PTPRN2: variants seen among roughly 807,000 people sequenced by gnomAD.
PTPRN2 encodes the protein receptor-type tyrosine-protein phosphatase N2.
Under a neutral mutation model 118.8 loss-of-function variants are expected in PTPRN2, and 74 were observed. The observed-to-expected ratio is 0.62, with a 90% CI of 0.52 to 0.76. The LOEUF (loss-of-function observed/expected upper bound fraction) is 0.76, where lower values mean the gene tolerates loss of function less well. PTPRN2 is among the 30% of genes least tolerant of loss of function. The pLI is 0.00. For missense variants in PTPRN2, 1,481 were observed against 1,394.4 expected (o/e 1.06, Z -0.99); for synonymous variants, 641 against 608.0 (o/e 1.05, Z -0.80).
intron 11 of PTPRN2, among the ~76,000 whole-genome samples, chr7:158,001,563 C>T (rs1364783520): frequency 3.9e-5 from 6 of 152,114 alleles, no homozygotes; most frequent in South Asian, 2.1e-4. Context: ...ACCTGAGGAC[C>T]GGGAGGGCGG....
chr7:157,996,683 C>G (rs945791558), intron 11 of PTPRN2, among the ~76,000 whole-genome samples: 1 of 152,240 alleles, frequency 6.6e-6, no homozygotes, highest in Non-Finnish European at 1.5e-5. Context: ...GCTTTCTTCT[C>G]TAGCTTTCTT....
At chr7:158,459,790 TC>T (rs1818837651) in intron 2 of PTPRN2, among the ~76,000 whole-genome samples, 1 of 151,438 alleles carries the variant, frequency 6.6e-6, no homozygotes, top group Non-Finnish European at 1.5e-5. Flanking sequence ...ATCTACATGC[TC>T]CTCCTAGAGG....
chr7:157,844,948 T>C (rs1173687573), intron 12 of PTPRN2, among the ~76,000 whole-genome samples: 1 of 152,078 alleles, frequency 6.6e-6, no homozygotes, highest in African/African-American at 2.4e-5. Flanking sequence ...TATTCTGGCC[T>C]GTGGGAAGAT....
chr7:157,670,627 C>T (rs536747597), intron 13 of PTPRN2, among the ~76,000 whole-genome samples: 1 of 152,298 alleles, frequency 6.6e-6, no homozygotes, highest in South Asian at 2.1e-4. Flanking sequence ...GCCCCTCCAG[C>T]CAGACTGCCG....
chr7:157,653,063 A>G (rs1033137057), intron 14 of PTPRN2, among the ~76,000 whole-genome samples: 15 of 152,178 alleles, frequency 9.9e-5, no homozygotes, highest in African/African-American at 3.4e-4. Context: ...ACCCTGCCAC[A>G]TGTGTCCTTT....
intron 2 of PTPRN2, among the ~76,000 whole-genome samples, chr7:158,327,374 CATTAT>C (rs1297077211): frequency 1.4e-5 from 2 of 145,222 alleles, no homozygotes; most frequent in East Asian, 4.0e-4. Context: ...GTCACACACA[CATTAT>C]CACATGCACA....
intron 2 of PTPRN2, among the ~76,000 whole-genome samples, chr7:158,377,289 G>A (rs188592878): frequency 2.0e-4 from 30 of 152,364 alleles, no homozygotes; most frequent in African/African-American, 5.8e-4. Context: ...CATCAAGCAC[G>A]CGGGGTCAGG....
rs914069997 is a variant in PTPRN2, at chr7:157,874,426, G to A, written c.1788+24247C>T. Among the ~76,000 whole-genome samples the A allele has an allele frequency of 2.0e-5, 3 of 152,112 alleles. No homozygotes were observed. The highest frequency in any genetic ancestry group is 2.4e-5 in the African/African-American group (1 of 41,410). ...TGTCCCCTCTCTCCTGCCCTGCCCC[G>A]ATCCTGCCTCTGCTTCTGTCCACAT... On this transcript the variant is annotated intron_variant, in intron 12 of 22. Coordinates refer to ENST00000389418, the MANE Select transcript of PTPRN2 (RefSeq NM_002847.5). The surrounding 1 kb of genome is among the most constrained non-coding windows in gnomAD (Gnocchi z 5.8).
At chr7:158,244,701 GT>G (rs1401988070) in intron 3 of PTPRN2, among the ~76,000 whole-genome samples, 3 of 120,114 alleles carry the variant, frequency 2.5e-5, no homozygotes, top group East Asian at 5.8e-4. Flanking sequence ...GTGAGTGTGT[GT>G]GGTTGTGAGT....
chr7:157,780,461 G>A lies in PTPRN2; in HGVS notation c.1789-97524C>T, dbSNP rs78024668. On this transcript the variant is annotated intron_variant, in intron 12 of 22. Transcript: ENST00000389418. This position sits in a 1 kb window ranked among gnomAD's most constrained non-coding sequence, Gnocchi z 4.5. ...AGGGGCCGTGCTGCTGGATCAGATG[G>A]CGGAACACGGCCCAGAGCAACTGAA... Among the ~76,000 whole-genome samples the A allele has an allele frequency of 0.089, 13,572 of 152,266 alleles. 754 individuals carry two copies. The highest frequency in any genetic ancestry group is 0.15 in the Middle Eastern group (44 of 294).
intron 3 of PTPRN2, among the ~76,000 whole-genome samples, chr7:158,226,769 C>T (rs948075231): frequency 6.0e-5 from 9 of 150,710 alleles, no homozygotes; most frequent in Non-Finnish European, 8.8e-5. Context: ...TTACCCTAAT[C>T]GCGTGGGAGC....
intron 11 of PTPRN2, among the ~76,000 whole-genome samples, chr7:158,071,036 A>G (rs1296167064): frequency 7.5e-4 from 17 of 22,588 alleles, no homozygotes; most frequent in African/African-American, 2.0e-3. Flanking sequence ...AGGTGCTCTT[A>G]GTATGGAGGT....
chr7:157,611,072 C>T lies in PTPRN2; in HGVS notation c.2345-6997G>A, dbSNP rs894211990. 2.0e-5 allele frequency among the ~76,000 whole-genome samples: 3 copies of T among 152,220 alleles called. No homozygotes were observed. The highest frequency in any genetic ancestry group is 7.2e-5 in the African/African-American group (3 of 41,444). ...AGGAGGCACGCTGCCCACCGCTGAG[C>T]TGAATAACCGAGCGCGAGGCTGGTG... On this transcript the variant is annotated intron_variant, in intron 15 of 22. Transcript: ENST00000389418. The surrounding 1 kb of genome is among the most constrained non-coding windows in gnomAD (Gnocchi z 5.9).
intron 12 of PTPRN2, among the ~76,000 whole-genome samples, chr7:157,751,888 C>T (rs560792038): frequency 3.9e-5 from 6 of 152,056 alleles, no homozygotes; most frequent in East Asian, 1.9e-4. Flanking sequence ...CAGAGACCAC[C>T]GTGAACACAT....
intron 22 of PTPRN2, among the ~76,000 whole-genome samples, chr7:157,545,742 T>C (rs1368449460): frequency 6.6e-6 from 1 of 152,110 alleles, no homozygotes; most frequent in Non-Finnish European, 1.5e-5. Context: ...ACCACAACGA[T>C]GATGTTTTGC....
rs564133920 is a variant in PTPRN2 at position 157,591,333 on chromosome 7, A to G, written c.2496+3905T>C. Among the ~76,000 whole-genome samples, 98 of 152,368 alleles carry G rather than the reference A, an allele frequency of 6.4e-4. No individual in the cohort carries two copies. The highest frequency in any genetic ancestry group is 1.2e-3 in the Non-Finnish European group (80 of 68,034). On this transcript the variant is annotated intron_variant, in intron 17 of 22. Transcript: ENST00000389418. This position sits in a 1 kb window ranked among gnomAD's most constrained non-coding sequence, Gnocchi z 4.4. ...CTGCCCCAAGGAGGAGCTTCAGATCAGCATCAACAGCCGGAGATAAAAGGA... is the reference window on the plus strand; with the variant it reads ...CTGCCCCAAGGAGGAGCTTCAGATCGGCATCAACAGCCGGAGATAAAAGGA...
At chr7:157,871,710 CT>C (rs1463753486) in intron 12 of PTPRN2, among the ~76,000 whole-genome samples, 1 of 151,920 alleles carries the variant, frequency 6.6e-6, no homozygotes, top group East Asian at 1.9e-4. Context: ...TAACATTTCC[CT>C]AACACACATA....
intron 16 of PTPRN2, 29 bp from the exon 17 acceptor site, chr7:157,595,344 T>C: frequency 6.2e-7 from 1 of 1,603,770 alleles, no homozygotes; most frequent in Admixed American, 1.7e-5. Flanking sequence ...ACCACAGCGG[T>C]TAGCCAGGAG....
At chr7:158,397,453 G>T (rs561013961) in intron 2 of PTPRN2, among the ~76,000 whole-genome samples, 2 of 152,326 alleles carry the variant, frequency 1.3e-5, no homozygotes, top group Admixed American at 1.3e-4. Flanking sequence ...CATGAAGCAG[G>T]TCCTCAGATC....
Sources: gnomAD v4.1 joint callset for allele counts (sites outside exome capture counted in the v4.1 genomes callset) on GRCh38, gnomAD v4.1.1 for gene constraint, Gnocchi (gnomAD v3.1) non-coding constraint, MANE v1.5 for transcripts, NCBI Gene and HGNC (gene_info 2026-07-23, HGNC 2026-07-21) for gene names.